The following RBFOX1 variants were observed in gnomAD, a reference collection of about 807,000 sequenced individuals.
RBFOX1 encodes the protein RNA binding fox-1 homolog 1.
Under a neutral mutation model 57.7 loss-of-function variants are expected in RBFOX1, and 8 were observed. That is an observed-to-expected ratio of 0.14 (90% CI 0.08 to 0.25). RBFOX1 has a LOEUF of 0.25. RBFOX1 is among the 10% of genes least tolerant of loss of function. The pLI is 1.00. For synonymous variants in RBFOX1, 326 were observed against 222.4 expected (o/e 1.47, Z -4.15); for missense variants, 611 against 548.5 (o/e 1.11, Z -1.14).
intron 3 of RBFOX1, among the ~76,000 whole-genome samples, chr16:5,714,660 G>C (rs2051620957): frequency 6.6e-6 from 1 of 152,188 alleles, no homozygotes; most frequent in Non-Finnish European, 1.5e-5. Context: ...GTTTTCATTT[G>C]TCATCTCTGC....
intron 3 of RBFOX1, among the ~76,000 whole-genome samples, chr16:6,872,643 G>A (rs1341758849): frequency 1.3e-5 from 2 of 152,100 alleles, no homozygotes; most frequent in African/African-American, 2.4e-5. Context: ...CAGTGGCAAC[G>A]GTTAAAGTAG....
chr16:6,184,786 C>A lies in RBFOX1; in HGVS notation c.-126-132209C>A, dbSNP rs572716280. On this transcript the variant is annotated intron_variant, in intron 1 of 15. Transcript: ENST00000550418. ...GTTTCGCCATGTTGGCCAGGATGGC[C>A]TTGATCTCTTGACCTCGTGATCCAC... Among the ~76,000 whole-genome samples the A allele has an allele frequency of 5.3e-5, 8 of 152,034 alleles. No homozygotes were observed. The South Asian group carries it at 1.7e-3, about 32-fold the overall frequency.
intron 4 of RBFOX1, among the ~76,000 whole-genome samples, chr16:7,458,334 G>T (rs758944395): frequency 3.3e-5 from 5 of 152,070 alleles, no homozygotes; most frequent in Non-Finnish European, 7.4e-5. Flanking sequence ...GTGTCCCTGG[G>T]CCAGTCCACT....
intron 4 of RBFOX1, among the ~76,000 whole-genome samples, chr16:7,113,833 C>T (rs1041487196): frequency 6.6e-6 from 1 of 152,074 alleles, no homozygotes; most frequent in Non-Finnish European, 1.5e-5. Flanking sequence ...TTAAAGTGGC[C>T]TCCCACTACC....
At chr16:6,636,990 TTATG>T (rs2098442124) in intron 2 of RBFOX1, among the ~76,000 whole-genome samples, 1 of 125,772 alleles carries the variant, frequency 8.0e-6, no homozygotes, top group Non-Finnish European at 1.6e-5. Flanking sequence ...ATATGTATCA[TTATG>T]TATAAAATAT....
At chr16:6,475,373 T>C (rs2095256829) in intron 2 of RBFOX1, among the ~76,000 whole-genome samples, 1 of 152,196 alleles carries the variant, frequency 6.6e-6, no homozygotes, top group South Asian at 2.1e-4. Context: ...GTTGCAATAA[T>C]TCTGTTTCTT....
At chr16:6,604,511 G>A (rs2097899886) in intron 2 of RBFOX1, among the ~76,000 whole-genome samples, 1 of 152,072 alleles carries the variant, frequency 6.6e-6, no homozygotes, top group Non-Finnish European at 1.5e-5. Flanking sequence ...TAAAGTAGAG[G>A]TTAAATGATA....
chr16:6,583,784 G>C (rs2097569108), intron 2 of RBFOX1, among the ~76,000 whole-genome samples: 1 of 152,170 alleles, frequency 6.6e-6, no homozygotes, highest in Non-Finnish European at 1.5e-5. Flanking sequence ...AGTTTAATTA[G>C]GTTGGTGTGA....
chr16:6,950,341 A>G (rs1225908139), intron 3 of RBFOX1, among the ~76,000 whole-genome samples: 2 of 151,888 alleles, frequency 1.3e-5, no homozygotes, highest in Non-Finnish European at 2.9e-5. Context: ...ATCCCATAGA[A>G]TCACAGTTAC....
intron 2 of RBFOX1, among the ~76,000 whole-genome samples, chr16:5,483,478 G>A (rs944837820): frequency 2.0e-5 from 3 of 152,216 alleles, no homozygotes; most frequent in East Asian, 1.9e-4. Context: ...AGCTCCTTCC[G>A]GATCTAATTG....
chr16:7,519,142 G>T (rs143476163), intron 5 of RBFOX1, among the ~76,000 whole-genome samples: 3 of 152,110 alleles, frequency 2.0e-5, no homozygotes, highest in Non-Finnish European at 2.9e-5. Flanking sequence ...GATGATTGCC[G>T]GATGCATCTA....
chr16:6,411,284 T>G (rs376509626), intron 2 of RBFOX1, among the ~76,000 whole-genome samples: 2 of 152,318 alleles, frequency 1.3e-5, no homozygotes, highest in South Asian at 2.1e-4. Flanking sequence ...ACTTGGACCC[T>G]TTTTATCTAG....
At chr16:6,465,781 C>A (rs1347112115) in intron 2 of RBFOX1, among the ~76,000 whole-genome samples, 1 of 151,590 alleles carries the variant, frequency 6.6e-6, no homozygotes, top group African/African-American at 2.4e-5. Context: ...CTATATGGCT[C>A]TTTGCAGGAC....
At chr16:7,238,879 G>C (rs1266503424) in intron 4 of RBFOX1, among the ~76,000 whole-genome samples, 1 of 152,128 alleles carries the variant, frequency 6.6e-6, no homozygotes, top group African/African-American at 2.4e-5. Flanking sequence ...ACTTATACGT[G>C]AGAACATGCA....
chr16:5,680,486 C>A (rs1198302518), intron 3 of RBFOX1, among the ~76,000 whole-genome samples: 1 of 152,144 alleles, frequency 6.6e-6, no homozygotes, highest in East Asian at 1.9e-4. Context: ...CTGAGACTCC[C>A]AGTGAGTCAA....
intron 4 of RBFOX1, among the ~76,000 whole-genome samples, chr16:7,055,863 A>G (rs1598294635): frequency 6.6e-6 from 1 of 152,142 alleles, no homozygotes; most frequent in East Asian, 1.9e-4. Context: ...TCCTGTCATT[A>G]GTTTTCATTA....
chr16:6,984,339 T>C (rs995821070), intron 3 of RBFOX1, among the ~76,000 whole-genome samples: 2 of 152,126 alleles, frequency 1.3e-5, no homozygotes, highest in Admixed American at 6.5e-5. Flanking sequence ...AATATGATGG[T>C]ATCAATGTCA....
intron 3 of RBFOX1, among the ~76,000 whole-genome samples, chr16:6,921,604 T>A (rs1213233869): frequency 6.0e-5 from 9 of 150,384 alleles, no homozygotes; most frequent in African/African-American, 1.7e-4. Context: ...AAGAATAATT[T>A]ATGTATATAC....
chr16:6,649,585 A>C (rs1166980391), intron 2 of RBFOX1, among the ~76,000 whole-genome samples: 1 of 152,164 alleles, frequency 6.6e-6, no homozygotes, highest in Non-Finnish European at 1.5e-5. Context: ...CTCATCGCTT[A>C]GCTCCCACTT....
Sources: allele counts gnomAD v4.1 joint callset (sites outside exome capture counted in the v4.1 genomes callset), GRCh38; gene constraint gnomAD v4.1.1; transcripts MANE v1.5; gene names NCBI Gene and HGNC (gene_info 2026-07-23, HGNC 2026-07-21).